CDYL: variants seen among roughly 807,000 people sequenced by gnomAD.
CDYL encodes chromodomain Y-like protein.
In CDYL, 8 loss-of-function variants were observed where a neutral mutation model predicts 47.3. The ratio of observed to expected loss-of-function variants is 0.17; its 90% CI spans 0.10 to 0.31. CDYL has a LOEUF of 0.31. CDYL is among the 10% of genes least tolerant of loss of function. The pLI is 1.00. For missense variants in CDYL, 471 were observed against 701.4 expected (o/e 0.67, Z 3.71); for synonymous variants, 266 against 265.0 (o/e 1.00, Z -0.04).
chr6:4,715,302 C>CAG (rs1757233615), intron 1 of CDYL, among the ~76,000 whole-genome samples: 1 of 151,970 alleles, frequency 6.6e-6, no homozygotes, highest in African/African-American at 2.4e-5. Flanking sequence ...TCCTTGTCAT[C>CAG]TGTGTCCACC....
intron 1 of CDYL, among the ~76,000 whole-genome samples, chr6:4,809,367 T>C (rs369630714): frequency 6.6e-6 from 1 of 152,348 alleles, no homozygotes; most frequent in East Asian, 1.9e-4. Flanking sequence ...TTTCTGGTGT[T>C]TGTAATTATA....
chr6:4,748,447 G>T (rs1205448108), intron 3 of CDYL, among the ~76,000 whole-genome samples: 1 of 152,084 alleles, frequency 6.6e-6, no homozygotes, highest in Non-Finnish European at 1.5e-5. Context: ...GGTGGAGCTT[G>T]AGAAAGAGAA....
chr6:4,844,811 T>A (rs1760606328), intron 1 of CDYL, among the ~76,000 whole-genome samples: 1 of 152,206 alleles, frequency 6.6e-6, no homozygotes, highest in African/African-American at 2.4e-5. Context: ...ATTTTGTTGT[T>A]TTTTTAATGA....
intron 3 of CDYL, among the ~76,000 whole-genome samples, chr6:4,765,738 A>G (rs1758242902): frequency 6.6e-6 from 1 of 151,866 alleles, no homozygotes; most frequent in African/African-American, 2.4e-5. Flanking sequence ...TAATTTTTGT[A>G]TTTTTAGCAC....
rs1255188674 is a variant in CDYL, at chr6:4,954,673, G to GAGA, written c.*618_*620dup. ...CAGACATATGCTTAGGATTCATGCT[G>GAGA]AGATATCAATTGGTTTCCCCTTCTT... On this transcript the variant is annotated 3_prime_UTR_variant, in exon 7 of 7. Coordinates refer to ENST00000397588, the MANE Select transcript of CDYL (RefSeq NM_004824.4). 6.6e-6 allele frequency: 1 copy of GAGA among 152,578 alleles called. No homozygotes were observed. Among genetic ancestry groups the GAGA allele is most frequent in the African/African-American group, 2.4e-5 (1 of 41,458 alleles). 9.5% of individuals were successfully genotyped at this position (152,578 alleles called of 1,614,324 possible).
intron 2 of CDYL, chr6:4,733,121 C>G (rs763476717): frequency 6.6e-6 from 1 of 152,306 alleles, no homozygotes; most frequent in South Asian, 2.1e-4. Context: ...GTCTCCCTCC[C>G]GGTGACTCAG....
At chr6:4,836,137 A>T (rs968285075) in intron 1 of CDYL, 2 of 233,042 alleles carry the variant, frequency 8.6e-6, no homozygotes, top group Non-Finnish European at 1.4e-5. Context: ...CTGGTACCTC[A>T]GATGGAAATG....
intron 3 of CDYL, among the ~76,000 whole-genome samples, chr6:4,750,201 T>TTTA (rs1286740166): frequency 2.0e-5 from 3 of 151,650 alleles, no homozygotes; most frequent in Non-Finnish European, 4.4e-5. Flanking sequence ...TTTAATTTAA[T>TTTA]TTATTATTAT....
chr6:4,706,501 A>G (rs753546224), intron 1 of CDYL, among the ~76,000 whole-genome samples: 1 of 152,024 alleles, frequency 6.6e-6, no homozygotes, highest in Non-Finnish European at 1.5e-5. Context: ...GAGTTTTAAA[A>G]CTACAATTAG....
At chr6:4,709,081 T>G (rs934129366) in intron 1 of CDYL, among the ~76,000 whole-genome samples, 4 of 152,160 alleles carry the variant, frequency 2.6e-5, no homozygotes, top group African/African-American at 7.2e-5. Context: ...TAAACTCACC[T>G]TTCTAACCTT....
intron 2 of CDYL, among the ~76,000 whole-genome samples, chr6:4,717,763 GTTGTT>G (rs1561820818): frequency 7.4e-6 from 1 of 134,538 alleles, no homozygotes; most frequent in Admixed American, 7.5e-5. Flanking sequence ...AGGGATTTTT[GTTGTT>G]TTGTTAGGTT....
intron 1 of CDYL, among the ~76,000 whole-genome samples, chr6:4,857,157 C>T (rs758610325): frequency 2.0e-5 from 3 of 152,132 alleles, no homozygotes; most frequent in African/African-American, 7.2e-5. Flanking sequence ...GTGAAATATA[C>T]GTGACAAAGT....
At chr6:4,767,870 A>G (rs1350004396) in intron 3 of CDYL, among the ~76,000 whole-genome samples, 1 of 152,236 alleles carries the variant, frequency 6.6e-6, no homozygotes, top group Non-Finnish European at 1.5e-5. Flanking sequence ...TTTGATATCT[A>G]AACAAAATGT....
chr6:4,773,326 G>A (rs914034947), upstream of CDYL: 10 of 365,248 alleles, frequency 2.7e-5, no homozygotes, highest in Admixed American at 1.4e-4. This position sits in a 1 kb window ranked among gnomAD's most constrained non-coding sequence, Gnocchi z 4.6. Flanking sequence ...CAATCTTCCC[G>A]GTGTGCTTAG....
Position 4,876,780 on chromosome 6 carries a change from ATGTGGGAATGACATGAATTT to A in CDYL, c.25-14920_25-14901del, listed in dbSNP as rs1761632638. Reference sequence around the variant, plus strand: ...TTGGGATGAAATGAATATATTTTGCATGTGGGAATGACATGAATTTTGTGGGAATGACGTAAATTTTGCGG... The same window carrying A: ...TTGGGATGAAATGAATATATTTTGCATGTGGGAATGACGTAAATTTTGCGG... On this transcript the variant is annotated intron_variant, in intron 1 of 6. Transcript: ENST00000397588. 2.0e-5 allele frequency among the ~76,000 whole-genome samples: 3 copies of A among 152,204 alleles called. No individual in the cohort carries two copies. In the South Asian group the frequency reaches 6.2e-4, roughly 31 times the overall value.
chr6:4,869,884 A>G (rs1210016954), intron 1 of CDYL, among the ~76,000 whole-genome samples: 3 of 152,184 alleles, frequency 2.0e-5, no homozygotes, highest in East Asian at 1.9e-4. Context: ...ATTTACTCAC[A>G]TATTTCCCAT....
rs370917045 is a variant in CDYL at position 4,891,880 on chromosome 6, G to C, written c.192G>C (p.Lys64Asn). ...DFNRRHTEKQKESTLTRTNRT... is the reference protein window; with the variant it reads ...DFNRRHTEKQNESTLTRTNRT... ...ACAGACGCCACACGGAGAAGCAGAA[G>C]GAGAGCACATTGACCAGAACAAACA... The change falls in exon 2 of 7, where the codon AAG (lysine) becomes AAC (asparagine). Residue 64 changes from lysine to asparagine, a missense_variant. This residue lies in a region of CDYL where 311 missense variants were observed against 350.0 expected (regional missense o/e 0.89). Coordinates refer to ENST00000397588, the MANE Select transcript of CDYL (RefSeq NM_004824.4). 3 of 1,614,112 alleles carry C rather than the reference G, an allele frequency of 1.9e-6. No individual in the cohort carries two copies. The highest frequency in any genetic ancestry group is 2.5e-6 in the Non-Finnish European group (3 of 1,180,018).
rs547901443 is a variant in CDYL at position 4,744,749 on chromosome 6, AG to A, written c.186+9906del. Among the ~76,000 whole-genome samples the A allele has an allele frequency of 7.9e-4, 120 of 152,356 alleles. 1 individual carries two copies. The highest frequency in any genetic ancestry group is 2.7e-3 in the African/African-American group (114 of 41,586). ...AAGAGGTTAATTTTTCCAAAGTCAT[AG>A]CAAATAGCAGAGCCAAGACTTGAAC... On this transcript the variant is annotated intron_variant, in intron 3 of 8. Transcript: ENST00000328908.
In CDYL at chr6:4,910,870, G is replaced by C. The variant is rs150812219; in HGVS notation, c.691+18491G>C. ...TTTCCCCAAGACGGAGTCTCTCTCT[G>C]TCGCCCAGGCTGGAGTGCAGTGGCA... On this transcript the variant is annotated intron_variant, in intron 2 of 6. Transcript: ENST00000397588. Among the ~76,000 whole-genome samples, 1,054 of 150,736 alleles carry C rather than the reference G, an allele frequency of 7.0e-3. 13 individuals carry two copies. Among genetic ancestry groups the C allele is most frequent in the African/African-American group, 0.025 (1,003 of 40,936 alleles).
Sources: allele counts gnomAD v4.1 joint callset (sites outside exome capture counted in the v4.1 genomes callset), GRCh38; gene constraint gnomAD v4.1.1; regional missense constraint gnomAD v4.1.1; non-coding constraint Gnocchi (gnomAD v3.1); transcripts MANE v1.5; gene names NCBI Gene and HGNC (gene_info 2026-07-23, HGNC 2026-07-21).